The following ZNF599 variants were observed in gnomAD, a reference collection of about 807,000 sequenced individuals.
ZNF599 encodes the protein zinc finger protein 599.
ZNF599 carries 10 observed loss-of-function variants against 11.7 expected under a neutral mutation model. The observed-to-expected ratio is 0.86, with a 90% CI of 0.53 to 1.45. ZNF599 has a LOEUF of 1.45. Ranked by LOEUF, ZNF599 falls within the 40% of genes most tolerant of loss-of-function variation. The pLI is 0.00. For synonymous variants in ZNF599, 232 were observed against 253.2 expected, an observed-to-expected ratio of 0.92 and a Z score of 0.79; for missense variants, 688 against 713.6, an observed-to-expected ratio of 0.96 and a Z score of 0.41.
At chr19:34,773,242 A>C, upstream of ZNF599, 1 of 215,780 alleles carries the variant, frequency 4.6e-6, no homozygotes, top group East Asian at 9.6e-5. Flanking sequence ...CGCTACGGGA[A>C]CGCCCCTCTG....
chr19:34,771,410 C>T (rs1168404516), intron 1 of ZNF599, among the ~76,000 whole-genome samples: 1 of 152,136 alleles, frequency 6.6e-6, no homozygotes, highest in Non-Finnish European at 1.5e-5. Flanking sequence ...AGAAGAAGGG[C>T]GTTAAATAAG....
the ZNF599 span, among the ~76,000 whole-genome samples, chr19:34,805,669 T>G: frequency 1.3e-5 from 2 of 152,110 alleles, no homozygotes; most frequent in Non-Finnish European, 2.9e-5. Flanking sequence ...CTCTCAAAAT[T>G]TGTTCAGTCT....
the ZNF599 span, among the ~76,000 whole-genome samples, chr19:34,791,555 C>T: frequency 1.3e-5 from 2 of 152,192 alleles, no homozygotes; most frequent in Non-Finnish European, 2.9e-5. Flanking sequence ...TGAAATCATG[C>T]AACATCTCAC....
intron 2 of ZNF599, among the ~76,000 whole-genome samples, chr19:34,768,045 G>A (rs1043833720): frequency 6.6e-6 from 1 of 152,188 alleles, no homozygotes; most frequent in Non-Finnish European, 1.5e-5. Context: ...CTGGAGAGAA[G>A]TCAATGACTG....
At chr19:34,782,676 C>T in the ZNF599 span, among the ~76,000 whole-genome samples, 47 of 152,178 alleles carry the variant, frequency 3.1e-4, no homozygotes, top group Admixed American at 7.2e-4. Context: ...AGGACAGAGC[C>T]GCCTCTGGGG....
In ZNF599 at chr19:34,759,705, G is replaced by A. The variant is rs375173040; in HGVS notation, c.1096C>T (p.Pro366Ser). 1.2e-6 allele frequency: 2 copies of A among 1,614,000 alleles called. No individual in the cohort carries two copies. Among genetic ancestry groups the A allele is most frequent in the Non-Finnish European group, 1.7e-6 (2 of 1,180,034 alleles). ...TTTCCACATTCTTTACATAAAAATG[G>A]TTTTTCTCCTGTGTGGGTCACATTG... ...QHNVTHTGEK[P>S]FLCKECGKTF... Residue 366 changes from proline (P) to serine (S), a missense_variant, in exon 4 of 4, where the codon CCA becomes TCA. By Grantham distance (74) the Pro-to-Ser change is moderately conservative. Transcript: ENST00000329285.
chr19:34,764,602 C>A (rs566918412), intron 3 of ZNF599: 153 of 152,292 alleles, frequency 1.0e-3, no homozygotes, highest in African/African-American at 3.6e-3. Context: ...CAACTATATG[C>A]AACCACATGA....
chr19:34,759,479 T>A lies in ZNF599; in HGVS notation c.1322A>T (p.His441Leu), dbSNP rs762089522. The A allele has an allele frequency of 2.5e-6, 4 of 1,614,158 alleles. No individual in the cohort carries two copies. The East Asian group carries it at 8.9e-5, about 36-fold the overall frequency. ...CTTCTCACCAGTGTGAATCCTCATA[T>A]GTTGAATTAAGGAAGAGCTGTCACA... ...AFCDSSSLIQ[H>L]MRIHTGEKPY... The change falls in exon 4 of 4, where the codon CAT (histidine) becomes CTT (leucine). Residue 441 changes from histidine (H) to leucine (L), a missense_variant. Transcript: ENST00000329285.
upstream of ZNF599, among the ~76,000 whole-genome samples, chr19:34,777,056 G>A (rs574923351): frequency 6.6e-6 from 1 of 151,278 alleles, no homozygotes; most frequent in South Asian, 2.1e-4. Flanking sequence ...CCTCAATTTG[G>A]TCCAATGTCT....
At chr19:34,807,452 G>A in the ZNF599 span, among the ~76,000 whole-genome samples, 14 of 152,304 alleles carry the variant, frequency 9.2e-5, no homozygotes, top group African/African-American at 1.4e-4. Context: ...CTAGCCTAGC[G>A]TCAGAGCCTC....
chr19:34,786,830 C>T, the ZNF599 span, among the ~76,000 whole-genome samples: 1 of 152,170 alleles, frequency 6.6e-6, no homozygotes, highest in Non-Finnish European at 1.5e-5. Context: ...GCCTCTGAGG[C>T]CCTAGGTGCA....
upstream of ZNF599, among the ~76,000 whole-genome samples, chr19:34,777,507 AT>A (rs2069227021): frequency 8.8e-6 from 1 of 113,040 alleles, no homozygotes; most frequent in African/African-American, 3.5e-5. Context: ...ATATTAATAT[AT>A]TATATATTAA....
At chr19:34,782,341 A>T in the ZNF599 span, among the ~76,000 whole-genome samples, 2 of 152,186 alleles carry the variant, frequency 1.3e-5, no homozygotes, top group Admixed American at 6.5e-5. Flanking sequence ...TCTTGCAGAA[A>T]CAAGTCGGCA....
At chr19:34,802,286 T>C in the ZNF599 span, among the ~76,000 whole-genome samples, 2 of 152,162 alleles carry the variant, frequency 1.3e-5, no homozygotes, top group Admixed American at 6.5e-5. Context: ...AGTCACAGCA[T>C]GGGAGAAGCC....
At chr19:34,783,261 G>A in the ZNF599 span, among the ~76,000 whole-genome samples, 1 of 152,238 alleles carries the variant, frequency 6.6e-6, no homozygotes, top group Non-Finnish European at 1.5e-5. Context: ...GCTACACAGG[G>A]AAGGATCAGG....
rs2069102282 is a variant in ZNF599 at position 34,760,161 on chromosome 19, G to A, written c.640C>T (p.Leu214Phe). ...CGKGFSKKWA[L>F]VRHQQIHAGV... ...GCATGAATCTGTTGATGCCGAACAAGGGCCCACTTCTTGCTAAACCCTTTC... is the reference window on the plus strand; with the variant it reads ...GCATGAATCTGTTGATGCCGAACAAAGGCCCACTTCTTGCTAAACCCTTTC... Residue 214 changes from leucine (L) to phenylalanine (F), a missense_variant, in exon 4 of 4, where the codon CTT becomes TTT. Coordinates refer to ENST00000329285, the MANE Select transcript of ZNF599 (RefSeq NM_001007248.3). The A allele has an allele frequency of 3.7e-6, 6 of 1,614,136 alleles. No homozygotes were observed. The South Asian group carries it at 6.6e-5, about 18-fold the overall frequency.
chr19:34,778,876 T>C, the ZNF599 span, among the ~76,000 whole-genome samples: 1 of 152,034 alleles, frequency 6.6e-6, no homozygotes, highest in African/African-American at 2.4e-5. Flanking sequence ...AGGCAAAAAA[T>C]ATGAATGGAT....
At position 34,759,441 on chromosome 19, in the gene ZNF599, T is replaced by C. The variant is rs866851646; in HGVS notation, c.1360A>G (p.Ser454Gly). 2.5e-6 allele frequency: 4 copies of C among 1,613,872 alleles called. No homozygotes were observed. The African/African-American group carries it at 4.0e-5, about 16-fold the overall frequency. Reference protein sequence around the residue: ...IHTGEKPYECSECGKAFTHHS... With the variant: ...IHTGEKPYECGECGKAFTHHS... ...TGTGTAAAAGCCTTTCCACATTCAC[T>C]GCACTCATAAGGCTTCTCACCAGTG... Residue 454 changes from serine (S) to glycine (G), a missense_variant, in exon 4 of 4, where the codon AGT (serine) becomes GGT (glycine). Transcript: ENST00000329285.
chr19:34,795,560 G>A, the ZNF599 span, among the ~76,000 whole-genome samples: 1 of 152,196 alleles, frequency 6.6e-6, no homozygotes, highest in African/African-American at 2.4e-5. Flanking sequence ...GATTACAGAT[G>A]TGAGCCACTG....
Sources: allele counts gnomAD v4.1 joint callset (sites outside exome capture counted in the v4.1 genomes callset), GRCh38; gene constraint gnomAD v4.1.1; transcripts MANE v1.5; gene names NCBI Gene and HGNC (gene_info 2026-07-23, HGNC 2026-07-21).